Variants in FYCO1 observed in about 807,000 individuals in gnomAD.
FYCO1 encodes FYVE and coiled-coil domain-containing protein 1.
Under a neutral mutation model 165.1 loss-of-function variants are expected in FYCO1, and 122 were observed. That is an observed-to-expected ratio of 0.74 (90% CI 0.64 to 0.86). The LOEUF is 0.86. Among genes scored for constraint, FYCO1 ranks in the 40% least tolerant of loss-of-function variants. The pLI is 0.00. For synonymous variants in FYCO1, 648 were observed against 742.5 expected (o/e 0.87, Z 2.07); for missense variants, 1,702 against 1,810.3 (o/e 0.94, Z 1.09).
Position 45,968,428 on chromosome 3 carries a change from C to G in FYCO1, c.906G>C (p.Trp302Cys). Residue 302 changes from tryptophan to cysteine, a missense_variant, in exon 8 of 18, where the codon TGG becomes TGC. Transcript: ENST00000296137. ...TGTTCTGGGTGGCCTGGGTGACCTC[C>G]CACTGCTTCTGGAGCTCAGCTACCA... ...TCLVAELQKQ[W>C]EVTQATQNTV... is the part of the protein sequence containing the mutation. The G allele has an allele frequency of 6.2e-7, 1 of 1,613,946 alleles. No homozygotes were observed. The highest frequency in any genetic ancestry group is 8.5e-7 in the Non-Finnish European group (1 of 1,179,986).
At chr3:45,961,068 G>A (rs562889352) in intron 11 of FYCO1, among the ~76,000 whole-genome samples, 2 of 152,186 alleles carry the variant, frequency 1.3e-5, no homozygotes, top group South Asian at 2.1e-4. Context: ...GGATGCAATC[G>A]GCAAAAGTAG....
At chr3:45,974,529 G>A (rs1706623504) in intron 5 of FYCO1, among the ~76,000 whole-genome samples, 1 of 152,180 alleles carries the variant, frequency 6.6e-6, no homozygotes, top group South Asian at 2.1e-4. Flanking sequence ...GTGACATAAT[G>A]AAACAAAAGG....
rs1173837803 is a variant in FYCO1 at position 45,929,711 on chromosome 3, C to T, written c.4251+1360G>A. Among the ~76,000 whole-genome samples, 2 of 152,140 alleles carry T rather than the reference C, an allele frequency of 1.3e-5. 1 individual carries two copies. Among genetic ancestry groups the T allele is most frequent in the South Asian group, 4.1e-4 (2 of 4,834 alleles). On this transcript the variant is annotated intron_variant, in intron 16 of 17. Coordinates refer to ENST00000296137, the MANE Select transcript of FYCO1 (RefSeq NM_024513.4). ...CCCCAAAAGAATAAGATGGGCAGAG[C>T]GGTTTTAAATAAGACAGAATATGAG...
intron 16 of FYCO1, among the ~76,000 whole-genome samples, chr3:45,926,857 G>A (rs1703342713): frequency 6.6e-6 from 1 of 152,048 alleles, no homozygotes; most frequent in Non-Finnish European, 1.5e-5. Flanking sequence ...CCAGCTACTT[G>A]GGAGGCTGAG....
chr3:45,949,022 A>G (rs1407479493), intron 14 of FYCO1, among the ~76,000 whole-genome samples: 1 of 152,144 alleles, frequency 6.6e-6, no homozygotes, highest in Non-Finnish European at 1.5e-5. Context: ...GTGACACAAA[A>G]TGGAAGCCCT....
intron 15 of FYCO1, among the ~76,000 whole-genome samples, chr3:45,936,074 G>C (rs905532545): frequency 1.3e-5 from 2 of 152,098 alleles, no homozygotes; most frequent in African/African-American, 4.8e-5. Context: ...AAAATGTTTT[G>C]CTTATCTCTA....
At chr3:45,940,496 C>T (rs1295044443) in intron 14 of FYCO1, among the ~76,000 whole-genome samples, 1 of 152,206 alleles carries the variant, frequency 6.6e-6, no homozygotes, top group Non-Finnish European at 1.5e-5. Flanking sequence ...ACAGTCTGAG[C>T]ATGCAGCTCC....
chr3:45,992,082 A>G (rs1707587084), intron 1 of FYCO1, among the ~76,000 whole-genome samples: 2 of 152,212 alleles, frequency 1.3e-5, no homozygotes, highest in Middle Eastern at 3.2e-3. Flanking sequence ...TGGGACTTAC[A>G]GCCTCCAGAA....
chr3:45,927,944 G>A (rs966151896), intron 16 of FYCO1, among the ~76,000 whole-genome samples: 1 of 152,234 alleles, frequency 6.6e-6, no homozygotes, highest in South Asian at 2.1e-4. Flanking sequence ...ATTAATGTGC[G>A]TTCTTGAAAA....
rs2125884165 is a variant in FYCO1 at position 45,993,093 on chromosome 3, C to T, written c.-113+2629G>A. ...AGCCACAGGGCCACAATACTATACC[C>T]AAACCACAGATTCTCCTTAAGTCTT... On this transcript the variant is annotated intron_variant, in intron 1 of 17. Transcript: ENST00000296137. The surrounding 1 kb of genome is among the most constrained non-coding windows in gnomAD (Gnocchi z 4.4). Among the ~76,000 whole-genome samples the T allele has an allele frequency of 6.6e-6, 1 of 152,310 alleles. No homozygotes were observed. Among genetic ancestry groups the T allele is most frequent in the East Asian group, 1.9e-4 (1 of 5,182 alleles).
intron 13 of FYCO1, among the ~76,000 whole-genome samples, chr3:45,956,278 G>A (rs1313030018): frequency 3.9e-5 from 6 of 152,100 alleles, no homozygotes; most frequent in African/African-American, 1.4e-4. Context: ...AGAGGTTGCA[G>A]TGAGCCGAGA....
rs529015491 is a variant in FYCO1 at position 45,962,208 on chromosome 3, T to C, written c.3437+17A>G. ...GTGTGGGGAAAACCCCAGCTGCTGG[T>C]TTGACACAGCACTCACCTGAGCAGC... On this transcript the variant is annotated intron_variant, in intron 11 of 17. Coordinates refer to ENST00000296137, the MANE Select transcript of FYCO1 (RefSeq NM_024513.4). The surrounding 1 kb of genome is among the most constrained non-coding windows in gnomAD (Gnocchi z 4.4). 27 of 1,613,882 alleles carry C rather than the reference T, an allele frequency of 1.7e-5. No homozygotes were observed. In the South Asian group the frequency reaches 3.0e-4, roughly 18 times the overall value.
At position 45,920,401 on chromosome 3, in the gene FYCO1, C is replaced by T. The variant is rs1167078445; in HGVS notation, c.*1364G>A. 6.6e-6 allele frequency: 1 copy of T among 152,216 alleles called. No homozygotes were observed. The highest frequency in any genetic ancestry group is 1.5e-5 in the Non-Finnish European group (1 of 68,084). 9.4% of individuals were successfully genotyped at this position (152,216 alleles called of 1,614,324 possible). On this transcript the variant is annotated 3_prime_UTR_variant, in exon 18 of 18. Transcript: ENST00000296137. Reference sequence around the variant, plus strand: ...GGATAGCCTGTCTGGTGCTCTCTCCCTCACCCCTGGCCAAACTGGGACCTT... The same window carrying T: ...GGATAGCCTGTCTGGTGCTCTCTCCTTCACCCCTGGCCAAACTGGGACCTT...
At chr3:45,939,467 T>C (rs979934913) in intron 14 of FYCO1, among the ~76,000 whole-genome samples, 1 of 152,184 alleles carries the variant, frequency 6.6e-6, no homozygotes, top group African/African-American at 2.4e-5. Context: ...TGGGAGTCTA[T>C]AGTCCTTCCC....
At chr3:45,929,056 T>G (rs1431560893) in intron 16 of FYCO1, among the ~76,000 whole-genome samples, 1 of 152,148 alleles carries the variant, frequency 6.6e-6, no homozygotes, top group Non-Finnish European at 1.5e-5. Context: ...TGGTCAGGAG[T>G]GCACTCGGGG....
intron 11 of FYCO1, among the ~76,000 whole-genome samples, chr3:45,959,892 G>A (rs901006252): frequency 1.3e-5 from 2 of 152,182 alleles, no homozygotes; most frequent in Non-Finnish European, 2.9e-5. Context: ...CCATGCCGAC[G>A]GCGTGCAGTA....
chr3:45,947,507 A>G (rs1408626161), intron 14 of FYCO1: 10 of 1,611,358 alleles, frequency 6.2e-6, no homozygotes, highest in Middle Eastern at 3.3e-4. Flanking sequence ...TGTTCCAGTT[A>G]TAGGCCTTGC....
chr3:45,962,812 A>C lies in FYCO1; in HGVS notation c.3270-420T>G, dbSNP rs1443032896. 2.0e-5 allele frequency among the ~76,000 whole-genome samples: 3 copies of C among 152,102 alleles called. No individual in the cohort carries two copies. Among genetic ancestry groups the C allele is most frequent in the Admixed American group, 2.0e-4 (3 of 15,276 alleles). On this transcript the variant is annotated intron_variant, in intron 10 of 17. Coordinates refer to ENST00000296137, the MANE Select transcript of FYCO1 (RefSeq NM_024513.4). This position sits in a 1 kb window ranked among gnomAD's most constrained non-coding sequence, Gnocchi z 4.4. ...CCACACAGAGGAGGGCCTGTCTTCC[A>C]CACGTCCTTGGGACTCTACACATGG... is the stretch of plus-strand genomic sequence containing the variant.
chr3:45,993,453 G>A lies in FYCO1; in HGVS notation c.-113+2269C>T, dbSNP rs1049273102. On this transcript the variant is annotated intron_variant, in intron 1 of 17. Transcript: ENST00000296137. This position sits in a 1 kb window ranked among gnomAD's most constrained non-coding sequence, Gnocchi z 4.4. ...AAGAAGGTAAACAGCATTTCCATAG[G>A]TAGAACCACAGAAACATTCCAATTC... Among the ~76,000 whole-genome samples the A allele has an allele frequency of 9.2e-5, 14 of 152,158 alleles. No individual in the cohort carries two copies. Among genetic ancestry groups the A allele is most frequent in the Admixed American group, 7.2e-4 (11 of 15,278 alleles).
Sources: allele counts gnomAD v4.1 joint callset (sites outside exome capture counted in the v4.1 genomes callset), GRCh38; gene constraint gnomAD v4.1.1; non-coding constraint Gnocchi (gnomAD v3.1); transcripts MANE v1.5; gene names NCBI Gene and HGNC (gene_info 2026-07-23, HGNC 2026-07-21).